The following BRPF3 variants were observed in gnomAD, a reference collection of about 807,000 sequenced individuals.
BRPF3 encodes the protein bromodomain and PHD finger-containing protein 3.
A neutral mutation model predicts 102.0 loss-of-function variants in BRPF3; 18 were observed. The observed-to-expected ratio is 0.18, with a 90% CI of 0.12 to 0.26. BRPF3 has a LOEUF of 0.26. Ranked by LOEUF, BRPF3 falls within the 10% of genes least tolerant of loss-of-function variation. BRPF3 has a pLI of 1.00. For missense variants in BRPF3, 1,147 were observed against 1,567.8 expected (o/e 0.73, Z 4.53); for synonymous variants, 570 against 614.2 (o/e 0.93, Z 1.06).
In BRPF3 at chr6:36,230,387, C is replaced by T. The variant is rs755359954; in HGVS notation, c.3435-39C>T. 21 of 1,601,982 alleles carry T rather than the reference C, an allele frequency of 1.3e-5. No individual in the cohort carries two copies. Among genetic ancestry groups the T allele is most frequent in the Non-Finnish European group, 1.7e-5 (20 of 1,171,838 alleles). The stretch of plus-strand genomic sequence containing the variant: ...ACAGGAGCCCGAGCCCCCTGTGAGA[C>T]CCACTACTGCCCAGCCTCTTACTGT... On this transcript the variant is annotated intron_variant, in intron 12 of 12. Transcript: ENST00000357641. This position sits in a 1 kb window ranked among gnomAD's most constrained non-coding sequence, Gnocchi z 5.4.
rs772867494 is a variant in BRPF3, at chr6:36,209,738, A to G, written c.1738-49A>G. On this transcript the variant is annotated intron_variant, in intron 4 of 12. Transcript: ENST00000357641. ...AACTATCAAGAAAAAGTTTCAGTAC[A>G]TCTTTGCAGGGGATGTTCTGATCTG... 1.1e-5 allele frequency: 18 copies of G among 1,569,348 alleles called. No individual in the cohort carries two copies. The South Asian group carries it at 1.8e-4, about 15-fold the overall frequency.
chr6:36,212,626 G>A, intron 7 of BRPF3, among the ~76,000 whole-genome samples: 1 of 151,636 alleles, frequency 6.6e-6, no homozygotes, highest in South Asian at 2.1e-4. Flanking sequence ...GATTCAGTTA[G>A]GGATGTCTGG....
chr6:36,229,139 G>A, intron 12 of BRPF3, 83 bp downstream of exon 12: 12 of 1,517,910 alleles, frequency 7.9e-6, no homozygotes, highest in Non-Finnish European at 9.8e-6. Flanking sequence ...GTGTACAGAG[G>A]GGCCATGGAT....
At chr6:36,205,772 C>G (rs1403205496) in intron 3 of BRPF3, among the ~76,000 whole-genome samples, 1 of 152,218 alleles carries the variant, frequency 6.6e-6, no homozygotes, top group African/African-American at 2.4e-5. Context: ...GCTTGGAGAA[C>G]ATGTCCAATC....
chr6:36,204,500 G>C (rs1215329816), intron 2 of BRPF3, 158 bp from the exon 3 acceptor site: 2 of 762,122 alleles, frequency 2.6e-6, no homozygotes, highest in South Asian at 3.3e-5. Context: ...TAACTTTACT[G>C]TCCTTTTCAA....
At chr6:36,205,042 G>A (rs985638149) in intron 3 of BRPF3, among the ~76,000 whole-genome samples, 1 of 152,212 alleles carries the variant, frequency 6.6e-6, no homozygotes, top group Non-Finnish European at 1.5e-5. Flanking sequence ...GGAGAGTGGA[G>A]AGCATGCGTA....
chr6:36,225,478 G>GC (rs1190646376), intron 11 of BRPF3, 114 bp downstream of exon 11: 6 of 942,208 alleles, frequency 6.4e-6, no homozygotes, highest in African/African-American at 5.2e-5. Context: ...TAGCTGTAGA[G>GC]GGGAGGGGGG....
intron 10 of BRPF3, among the ~76,000 whole-genome samples, chr6:36,224,224 T>A (rs956764179): frequency 3.3e-5 from 5 of 152,210 alleles, no homozygotes; most frequent in Non-Finnish European, 5.9e-5. Context: ...TAAAATTTTT[T>A]AAAAAGTGAG....
chr6:36,207,430 C>T lies in BRPF3; in HGVS notation c.1723C>T (p.Leu575Phe). 2 of 1,614,022 alleles carry T rather than the reference C, an allele frequency of 1.2e-6. No individual in the cohort carries two copies. Among genetic ancestry groups the T allele is most frequent in the Non-Finnish European group, 1.7e-6 (2 of 1,179,936 alleles). The change falls in exon 4 of 13, where the codon CTC (leucine) becomes TTC (phenylalanine). Residue 575 changes from leucine (L) to phenylalanine (F), a missense_variant. Leu to Phe is a conservative substitution (Grantham distance 22). Coordinates refer to ENST00000357641, the MANE Select transcript of BRPF3 (RefSeq NM_015695.3). ...TGAGCTGATTCGGAAGAGAGAGAAG[C>T]TCAAACGAGAGCAGGTAAGGAGGAG... ...LIELIRKREK[L>F]KREQVKVQQA...
At chr6:36,218,835 C>T (rs1168316064) in intron 9 of BRPF3, among the ~76,000 whole-genome samples, 2 of 152,154 alleles carry the variant, frequency 1.3e-5, no homozygotes, top group Non-Finnish European at 2.9e-5. Flanking sequence ...GGATTTCTTC[C>T]CATTCTTTTA....
intron 7 of BRPF3, 94 bp downstream of exon 7, chr6:36,211,654 T>C: frequency 1.4e-6 from 2 of 1,426,090 alleles, no homozygotes; most frequent in South Asian, 1.4e-5. Flanking sequence ...TTTCTGAGTT[T>C]AGATCTGACA....
chr6:36,207,403 A>T lies in BRPF3; in HGVS notation c.1696A>T (p.Ile566Phe). The T allele has an allele frequency of 6.2e-7, 1 of 1,614,062 alleles. No homozygotes were observed. The highest frequency in any genetic ancestry group is 8.5e-7 in the Non-Finnish European group (1 of 1,179,970). The change falls in exon 4 of 13, where the codon ATT becomes TTT. Residue 566 changes from isoleucine to phenylalanine, a missense_variant. Around this residue, in one of 11 missense-constraint regions of BRPF3, gnomAD observed 23 missense variants for 54.4 expected, o/e 0.42. Transcript: ENST00000357641. ...RHDLERARLL[I>F]ELIRKREKLK... is the part of the protein sequence containing the mutation. ...TGACTTGGAGCGGGCGCGGCTGCTGATTGAGCTGATTCGGAAGAGAGAGAA... is the reference window on the plus strand; with the variant it reads ...TGACTTGGAGCGGGCGCGGCTGCTGTTTGAGCTGATTCGGAAGAGAGAGAA...
intron 10 of BRPF3, 32 bp from the exon 11 acceptor site, chr6:36,225,235 G>T (rs1469947707): frequency 6.3e-7 from 1 of 1,585,840 alleles, no homozygotes; most frequent in South Asian, 1.1e-5. Flanking sequence ...AGTCCCCTTT[G>T]GGTGCTGTCT....
At chr6:36,202,449 A>T (rs1039609789) in intron 2 of BRPF3, among the ~76,000 whole-genome samples, 4 of 118,604 alleles carry the variant, frequency 3.4e-5, no homozygotes, top group African/African-American at 1.3e-4. Flanking sequence ...GTCTGTAGAG[A>T]GCCCATGGTA....
chr6:36,210,434 G>T lies in BRPF3; in HGVS notation c.2085G>T (p.Arg695=). The T allele has an allele frequency of 6.2e-7, 1 of 1,612,822 alleles. No homozygotes were observed. ...LGGAILRHAR[R]QAENIGYDPE... The stretch of plus-strand genomic sequence containing the variant: ...GGGCCATCCTACGGCACGCCCGGCG[G>T]CAGGCAGAGAACATCGGCTATGACC... Residue 695 remains arginine (R), a synonymous_variant, in exon 6 of 13, where the codon CGG becomes CGT. Coordinates refer to ENST00000357641, the MANE Select transcript of BRPF3 (RefSeq NM_015695.3). The surrounding 1 kb of genome is among the most constrained non-coding windows in gnomAD (Gnocchi z 4.7).
chr6:36,217,802 A>G, intron 8 of BRPF3, 115 bp from the exon 9 acceptor site: 2 of 729,192 alleles, frequency 2.7e-6, no homozygotes, highest in Non-Finnish European at 2.3e-6. Context: ...CAGGGAAAGG[A>G]ATAGCCATCC....
chr6:36,203,895 A>G (rs931393729), intron 2 of BRPF3, among the ~76,000 whole-genome samples: 5 of 152,166 alleles, frequency 3.3e-5, no homozygotes, highest in African/African-American at 1.2e-4. Context: ...CTGCCTTTCC[A>G]TCTTTTGTAA....
At chr6:36,199,223 C>T (rs1473525751) in intron 1 of BRPF3, among the ~76,000 whole-genome samples, 1 of 152,176 alleles carries the variant, frequency 6.6e-6, no homozygotes, top group Non-Finnish European at 1.5e-5. Flanking sequence ...TCAGCGGCTG[C>T]TTTGGATTCT....
At position 36,230,947 on chromosome 6, in the gene BRPF3, G is replaced by A; in HGVS notation, c.*338G>A. The A allele has an allele frequency of 3.6e-6, 1 of 278,930 alleles. No individual in the cohort carries two copies. The highest frequency in any genetic ancestry group is 5.2e-5 in the South Asian group (1 of 19,374). 17.3% of individuals were successfully genotyped at this position (278,930 alleles called of 1,614,324 possible). On this transcript the variant is annotated 3_prime_UTR_variant, in exon 13 of 13. Coordinates refer to ENST00000357641, the MANE Select transcript of BRPF3 (RefSeq NM_015695.3). This position sits in a 1 kb window ranked among gnomAD's most constrained non-coding sequence, Gnocchi z 5.4. ...TGGGCTCCTTCTTGAGGGGCTGCCT[G>A]GCCCGCTCCATCCTACTCCCACTAA...
Sources: allele counts gnomAD v4.1 joint callset (sites outside exome capture counted in the v4.1 genomes callset), GRCh38; gene constraint gnomAD v4.1.1; regional missense constraint gnomAD v4.1.1; non-coding constraint Gnocchi (gnomAD v3.1); transcripts MANE v1.5; gene names NCBI Gene and HGNC (gene_info 2026-07-23, HGNC 2026-07-21).